The following CLN6 variants were observed in gnomAD, a reference collection of about 807,000 sequenced individuals.
CLN6 encodes the protein ceroid-lipofuscinosis neuronal protein 6.
Under a neutral mutation model 33.3 loss-of-function variants are expected in CLN6, and 22 were observed. That is an observed-to-expected ratio of 0.66 (90% CI 0.47 to 0.94). The LOEUF (loss-of-function observed/expected upper bound fraction) is 0.94, where lower values mean the gene tolerates loss of function less well. Ranked by LOEUF, CLN6 falls within the 40% of genes least tolerant of loss-of-function variation. CLN6 has a pLI of 0.00. For synonymous variants in CLN6, 201 were observed against 174.6 expected (o/e 1.15, Z -1.19); for missense variants, 387 against 417.1 (o/e 0.93, Z 0.63).
At chr15:68,224,160 G>C (rs1357700218) in intron 1 of CLN6, among the ~76,000 whole-genome samples, 1 of 151,304 alleles carries the variant, frequency 6.6e-6, no homozygotes, top group Non-Finnish European at 1.5e-5. Flanking sequence ...CAGCTACTCA[G>C]GAGGCAGAAA....
upstream of CLN6, chr15:68,257,131 G>T: frequency 2.9e-6 from 1 of 347,386 alleles, no homozygotes; most frequent in Non-Finnish European, 5.2e-6. Flanking sequence ...GCCAGCGAGC[G>T]CACGGCAGCG....
intron 1 of CLN6, among the ~76,000 whole-genome samples, chr15:68,249,517 T>C (rs1049750227): frequency 5.3e-5 from 8 of 152,308 alleles, no homozygotes; most frequent in East Asian, 3.9e-4. Flanking sequence ...ACTCTGTCAT[T>C]GTAGCAACAT....
In CLN6 at chr15:68,227,661, G is replaced by C. The variant is rs189842014; in HGVS notation, c.83+1841C>G. On this transcript the variant is annotated intron_variant, in intron 1 of 6. Coordinates refer to ENST00000249806, the MANE Select transcript of CLN6 (RefSeq NM_017882.3). This position sits in a 1 kb window ranked among gnomAD's most constrained non-coding sequence, Gnocchi z 4.1. Reference sequence around the variant, plus strand: ...ACTCCTTAGCAGCCAAAGTGGAGTCGTAAGAGCAGAGCCCGTAAGTCAGAA... The same window carrying C: ...ACTCCTTAGCAGCCAAAGTGGAGTCCTAAGAGCAGAGCCCGTAAGTCAGAA... 6.6e-6 allele frequency among the ~76,000 whole-genome samples: 1 copy of C among 152,190 alleles called. No individual in the cohort carries two copies.
chr15:68,252,148 A>G (rs1408386236), intron 1 of CLN6, among the ~76,000 whole-genome samples: 2 of 151,792 alleles, frequency 1.3e-5, no homozygotes, highest in African/African-American at 4.8e-5. Context: ...CTAATTTTGT[A>G]TTTTTAGTAG....
intron 1 of CLN6, among the ~76,000 whole-genome samples, chr15:68,226,318 C>CAAAAAAAAAAA (rs35031604): frequency 1.6e-5 from 1 of 63,204 alleles, no homozygotes; most frequent in Non-Finnish European, 3.7e-5. Context: ...GACTCCATCT[C>CAAAAAAAAAAA]AAAAAAAAAA....
chr15:68,218,367 G>T, intron 2 of CLN6, 169 bp downstream of exon 2: 1 of 581,388 alleles, frequency 1.7e-6, no homozygotes, highest in Non-Finnish European at 3.2e-6. Flanking sequence ...GCTGGCAGTT[G>T]CCTGACGGGC....
chr15:68,224,466 A>G (rs2093246448), intron 1 of CLN6, among the ~76,000 whole-genome samples: 1 of 151,590 alleles, frequency 6.6e-6, no homozygotes, highest in Non-Finnish European at 1.5e-5. Flanking sequence ...TACTAAAAAT[A>G]CAAAAATTAG....
At chr15:68,224,618 C>CAAAAAA (rs57397347) in intron 1 of CLN6, among the ~76,000 whole-genome samples, 27 of 104,288 alleles carry the variant, frequency 2.6e-4, no homozygotes, top group African/African-American at 1.0e-3. Flanking sequence ...GACTCTGTCT[C>CAAAAAA]AAAAAAAAAA....
chr15:68,207,594 G>T lies in CLN6; in HGVS notation c.*546C>A. On this transcript the variant is annotated 3_prime_UTR_variant, in exon 7 of 7. Coordinates refer to ENST00000249806, the MANE Select transcript of CLN6 (RefSeq NM_017882.3). ...CAACCCCAACCTACTGACCTACTTT[G>T]GGACCACAGGCCCATCTAGTGCAAA... 1 of 185,854 alleles carries T rather than the reference G, an allele frequency of 5.4e-6. No homozygotes were observed. The highest frequency in any genetic ancestry group is 1.1e-4 in the South Asian group (1 of 9,256). 11.5% of individuals were successfully genotyped at this position (185,854 alleles called of 1,614,324 possible). A position where few individuals can be genotyped will look rare whatever the true frequency, so the allele number is the denominator to read the frequency against.
chr15:68,254,487 C>T (rs2141168118), intron 1 of CLN6: 1 of 326,160 alleles, frequency 3.1e-6, no homozygotes. Flanking sequence ...GAAAAAAGGT[C>T]AAATGTCTCT....
chr15:68,229,505 G>T lies in CLN6; in HGVS notation c.80C>A (p.Ala27Asp). 6.8e-7 allele frequency: 1 copy of T among 1,467,042 alleles called. No individual in the cohort carries two copies. The highest frequency in any genetic ancestry group is 9.0e-7 in the Non-Finnish European group (1 of 1,114,358). The allele number at this position is 1,467,042 out of a possible 1,614,324, so 90.9% of individuals were successfully genotyped here. The change falls in exon 1 of 7, where the codon GCC becomes GAC. Residue 27 changes from alanine (A) to aspartate (D), a missense_variant. Ala to Asp is a moderately radical substitution (Grantham distance 126). Transcript: ENST00000249806. Reference protein sequence around the residue: ...GAQLGASFLQARHGSVSADEA... With the variant: ...GAQLGASFLQDRHGSVSADEA... ...TCTCACCCCGGCGCGCGCCCACCTG[G>T]CCTGCAGGAAGGAGGCGCCCAGCTG...
intron 1 of CLN6, among the ~76,000 whole-genome samples, chr15:68,226,306 G>T: frequency 7.1e-6 from 1 of 141,136 alleles, no homozygotes; most frequent in African/African-American, 2.8e-5. Context: ...GTAACAGTGT[G>T]AGACTCCATC....
chr15:68,218,900 C>T (rs1164460363), intron 1 of CLN6, among the ~76,000 whole-genome samples: 1 of 152,146 alleles, frequency 6.6e-6, no homozygotes, highest in Admixed American at 6.6e-5. Flanking sequence ...GGTGTAATTG[C>T]TGGGGTTTCT....
At position 68,208,094 on chromosome 15, in the gene CLN6, G is replaced by GGCCCCCCCCCC; in HGVS notation, c.*45_*46insGGGGGGGGGGC. On this transcript the variant is annotated 3_prime_UTR_variant, in exon 7 of 7. Coordinates refer to ENST00000249806, the MANE Select transcript of CLN6 (RefSeq NM_017882.3). This position sits in a 1 kb window ranked among gnomAD's most constrained non-coding sequence, Gnocchi z 5.8. ...CTCCTGTATTCAGATGCCCTCCATG[G>GGCCCCCCCCCC]CCCACCCTCCCACCCAGCAGAGCGC... is the stretch of plus-strand genomic sequence containing the variant. 3 of 1,375,274 alleles carry GGCCCCCCCCCC rather than the reference G, an allele frequency of 2.2e-6. No individual in the cohort carries two copies. The highest frequency in any genetic ancestry group is 1.4e-5 in the African/African-American group (1 of 69,478). 85.2% of individuals were successfully genotyped at this position (1,375,274 alleles called of 1,614,324 possible). A position where few individuals can be genotyped will look rare whatever the true frequency, so the allele number is the denominator to read the frequency against.
At chr15:68,231,258 T>TC (rs908354866), upstream of CLN6, among the ~76,000 whole-genome samples, 192 of 150,750 alleles carry the variant, frequency 1.3e-3, 3 homozygotes, top group Admixed American at 0.01. Context: ...CACACCTCAA[T>TC]CCCCCCCCTC....
At chr15:68,248,371 G>T (rs1892346574) in intron 1 of CLN6, 1 of 152,210 alleles carries the variant, frequency 6.6e-6, no homozygotes, top group African/African-American at 2.4e-5. Flanking sequence ...ACCTAGGCCG[G>T]GTGCGGTGGC....
chr15:68,237,188 A>AT (rs1014278931), intron 1 of CLN6, among the ~76,000 whole-genome samples: 3 of 147,222 alleles, frequency 2.0e-5, no homozygotes, highest in African/African-American at 5.0e-5. Context: ...AAAAAAAAAA[A>AT]ACTGAATGGA....
chr15:68,231,261 C>G (rs1040960180), upstream of CLN6, among the ~76,000 whole-genome samples: 2 of 152,150 alleles, frequency 1.3e-5, no homozygotes, highest in East Asian at 1.9e-4. Flanking sequence ...ACCTCAATCC[C>G]CCCCCTCCGC....
Position 68,217,300 on chromosome 15 carries a change from C to T in CLN6, c.198+1236G>A, listed in dbSNP as rs527561109. ...AGGCTGGAGTGCAGCGGTGTGATCA[C>T]GGCTCACTGCAGCCTCAACTTCCCA... On this transcript the variant is annotated intron_variant, in intron 2 of 6. Coordinates refer to ENST00000249806, the MANE Select transcript of CLN6 (RefSeq NM_017882.3). Among the ~76,000 whole-genome samples, 9 of 152,218 alleles carry T rather than the reference C, an allele frequency of 5.9e-5. No homozygotes were observed. The South Asian group carries it at 1.5e-3, about 25-fold the overall frequency.
Sources: allele counts gnomAD v4.1 joint callset (sites outside exome capture counted in the v4.1 genomes callset), GRCh38; gene constraint gnomAD v4.1.1; non-coding constraint Gnocchi (gnomAD v3.1); transcripts MANE v1.5; gene names NCBI Gene and HGNC (gene_info 2026-07-23, HGNC 2026-07-21).